Variants in ATP8B4 observed in about 807,000 individuals in gnomAD.
The protein encoded by ATP8B4 is ATPase phospholipid transporting 8B4 (putative).
Under a neutral mutation model 145.6 loss-of-function variants are expected in ATP8B4, and 133 were observed. The ratio of observed to expected loss-of-function variants is 0.91; its 90% confidence interval spans 0.79 to 1.05. The LOEUF is 1.05. ATP8B4 is among the 50% of genes least tolerant of loss of function. The probability of loss-of-function intolerance (pLI) is 0.00; values close to 1 mark genes in which losing one functional copy is unlikely to be tolerated. For synonymous variants in ATP8B4, 507 were observed against 492.9 expected, an observed-to-expected ratio of 1.03 and a Z score of -0.38; for missense variants, 1,458 against 1,425.2, an observed-to-expected ratio of 1.02 and a Z score of -0.37.
At chr15:50,049,810 G>C (rs897248191) in intron 3 of ATP8B4, among the ~76,000 whole-genome samples, 8 of 151,926 alleles carry the variant, frequency 5.3e-5, no homozygotes, top group African/African-American at 1.7e-4. Context: ...CTCAACATCT[G>C]TTATTTTTTT....
At chr15:50,157,883 T>C (rs1018754375) in intron 1 of ATP8B4, among the ~76,000 whole-genome samples, 1 of 152,202 alleles carries the variant, frequency 6.6e-6, no homozygotes, top group Admixed American at 6.5e-5. Context: ...GCCTGCCCAG[T>C]GCCTGCGATT....
At chr15:50,081,362 A>G (rs1175697591) in intron 2 of ATP8B4, among the ~76,000 whole-genome samples, 1 of 152,232 alleles carries the variant, frequency 6.6e-6, no homozygotes, top group Non-Finnish European at 1.5e-5. Flanking sequence ...AAAATAGTAA[A>G]TGGGCAAAAA....
intron 6 of ATP8B4, among the ~76,000 whole-genome samples, chr15:50,037,094 C>T (rs2050894157): frequency 6.6e-6 from 1 of 152,142 alleles, no homozygotes; most frequent in Non-Finnish European, 1.5e-5. Flanking sequence ...CCCATAGCCT[C>T]CAAATAGAGG....
At chr15:49,936,465 G>C (rs1336466507) in intron 14 of ATP8B4, among the ~76,000 whole-genome samples, 1 of 152,086 alleles carries the variant, frequency 6.6e-6, no homozygotes, top group African/African-American at 2.4e-5. Flanking sequence ...GCCATTTGAA[G>C]GGATCACTCC....
chr15:50,106,891 A>C (rs756642090), intron 2 of ATP8B4, 48 bp downstream of exon 2: 2 of 1,545,548 alleles, frequency 1.3e-6, no homozygotes, highest in East Asian at 2.3e-5. Flanking sequence ...AATTAAAATT[A>C]TATTTTTAAA....
chr15:49,928,669 T>G (rs1490442911), intron 16 of ATP8B4, among the ~76,000 whole-genome samples: 2 of 151,878 alleles, frequency 1.3e-5, no homozygotes, highest in African/African-American at 4.8e-5. Context: ...AAGCAAGCAG[T>G]GACAAGAAAC....
intron 12 of ATP8B4, among the ~76,000 whole-genome samples, chr15:49,974,440 G>A (rs2045489807): frequency 1.3e-5 from 2 of 150,382 alleles, no homozygotes; most frequent in South Asian, 4.2e-4. Context: ...TGTTGCCCAG[G>A]TTGGCCTCAA....
rs145806455 is a variant in ATP8B4, at chr15:50,095,254, G to A, written c.28+11685C>T. On this transcript the variant is annotated intron_variant, in intron 2 of 27. Transcript: ENST00000284509. ...CATATATTAGAGGAAATTTGCAGGTGTCCACCCAAAAAATCAGAGACTGAA... is the reference window on the plus strand; with the variant it reads ...CATATATTAGAGGAAATTTGCAGGTATCCACCCAAAAAATCAGAGACTGAA... Among the ~76,000 whole-genome samples, 9 of 152,114 alleles carry A rather than the reference G, an allele frequency of 5.9e-5. No homozygotes were observed. The South Asian group carries it at 1.5e-3, about 25-fold the overall frequency.
At chr15:49,937,714 G>C (rs1168423320) in intron 14 of ATP8B4, among the ~76,000 whole-genome samples, 3 of 151,976 alleles carry the variant, frequency 2.0e-5, no homozygotes, top group Non-Finnish European at 2.9e-5. Flanking sequence ...CTTATGAAAA[G>C]ACAAAAATAT....
chr15:50,091,382 A>G (rs1371963856), intron 2 of ATP8B4, among the ~76,000 whole-genome samples: 1 of 152,230 alleles, frequency 6.6e-6, no homozygotes, highest in Non-Finnish European at 1.5e-5. Context: ...ATTTTACAAT[A>G]AAGTATAATT....
At chr15:49,982,362 C>T (rs2046232427) in intron 10 of ATP8B4, 1 of 152,156 alleles carries the variant, frequency 6.6e-6, no homozygotes, top group African/African-American at 2.4e-5. Context: ...CCCACATTTT[C>T]TCAGAATCAT....
intron 14 of ATP8B4, among the ~76,000 whole-genome samples, chr15:49,953,931 C>T (rs1342570908): frequency 6.6e-6 from 1 of 152,196 alleles, no homozygotes; most frequent in Non-Finnish European, 1.5e-5. Context: ...CAGGGGGTTC[C>T]CCTTCTCTGT....
At chr15:49,917,143 A>G in intron 19 of ATP8B4, 104 bp from the exon 20 acceptor site, 1 of 1,066,790 alleles carries the variant, frequency 9.4e-7, no homozygotes, top group Non-Finnish European at 1.4e-6. Flanking sequence ...TAAAGCCTAC[A>G]GGGGGCTGAT....
At chr15:49,957,059 A>G (rs1433149716) in intron 14 of ATP8B4, among the ~76,000 whole-genome samples, 2 of 152,220 alleles carry the variant, frequency 1.3e-5, no homozygotes, top group Non-Finnish European at 2.9e-5. Context: ...TTGCAAAAAA[A>G]AAATTGGGAG....
At chr15:50,044,783 A>G in intron 4 of ATP8B4, 91 bp from the exon 5 acceptor site, 2 of 817,300 alleles carry the variant, frequency 2.4e-6, no homozygotes, top group Non-Finnish European at 3.9e-6. Flanking sequence ...TAATGGGGTT[A>G]TATTGACTTA....
chr15:49,909,712 CTTTG>C (rs1215397814), intron 20 of ATP8B4, among the ~76,000 whole-genome samples: 5 of 98,244 alleles, frequency 5.1e-5, no homozygotes, highest in African/African-American at 2.1e-4. Flanking sequence ...ACACCATTGG[CTTTG>C]TTTACCAAAA....
intron 2 of ATP8B4, among the ~76,000 whole-genome samples, chr15:50,082,761 A>G (rs1411156818): frequency 6.6e-6 from 1 of 152,236 alleles, no homozygotes; most frequent in Non-Finnish European, 1.5e-5. Flanking sequence ...AATAGCTAAC[A>G]TTAATTGAGC....
At position 50,071,342 on chromosome 15, in the gene ATP8B4, A is replaced by G. The variant is rs543885843; in HGVS notation, c.87+2785T>C. Among the ~76,000 whole-genome samples the G allele has an allele frequency of 1.4e-3, 220 of 152,358 alleles. 2 individuals are homozygous for G. Among genetic ancestry groups the G allele is most frequent in the Non-Finnish European group, 1.8e-3 (124 of 68,036 alleles). ...CCCCGTGCTTCTCTGTGAGTCTGCA[A>G]TATTCCATTAATTAAGCAAAAATAA... On this transcript the variant is annotated intron_variant, in intron 3 of 27. Coordinates refer to ENST00000284509, the MANE Select transcript of ATP8B4 (RefSeq NM_024837.4).
At chr15:50,118,896 A>C (rs955550284) in intron 1 of ATP8B4, among the ~76,000 whole-genome samples, 1 of 151,282 alleles carries the variant, frequency 6.6e-6, no homozygotes, top group East Asian at 1.9e-4. Flanking sequence ...TAGACATTTC[A>C]AACAACAAAA....
Sources: allele counts gnomAD v4.1 joint callset (sites outside exome capture counted in the v4.1 genomes callset), GRCh38; gene constraint gnomAD v4.1.1; transcripts MANE v1.5; gene names NCBI Gene and HGNC (gene_info 2026-07-23, HGNC 2026-07-21).